UBE3B: variants seen among roughly 807,000 people sequenced by gnomAD.
UBE3B encodes the protein ubiquitin protein ligase E3B.
Under a neutral mutation model 132.3 loss-of-function variants are expected in UBE3B, and 80 were observed. The ratio of observed to expected loss-of-function variants is 0.60; its 90% CI spans 0.50 to 0.73. The LOEUF is 0.73. Ranked by LOEUF, UBE3B falls within the 30% of genes least tolerant of loss-of-function variation. The pLI is 0.00. For missense variants in UBE3B, 1,196 were observed against 1,362.5 expected (o/e 0.88, Z 1.92); for synonymous variants, 487 against 520.4 (o/e 0.94, Z 0.87).
chr12:109,533,781 C>T, intron 27 of UBE3B: 1 of 872,350 alleles, frequency 1.1e-6, no homozygotes, highest in Non-Finnish European at 1.8e-6. Context: ...GCCCCTTTCT[C>T]TTTCCTTCCT....
At position 109,490,016 on chromosome 12, in the gene UBE3B, C is replaced by A; in HGVS notation, c.630+12C>A. ...ATTCTGTGCTGCAGGTCTGTGACTC[C>A]TGCCCCCCAGTGTGCAACTTCTCCA... On this transcript the variant is annotated intron_variant, in intron 8 of 27. Transcript: ENST00000342494. 2 of 1,613,606 alleles carry A rather than the reference C, an allele frequency of 1.2e-6. No homozygotes were observed. The highest frequency in any genetic ancestry group is 1.1e-5 in the South Asian group (1 of 91,078).
Position 109,522,556 on chromosome 12 carries a change from T to C in UBE3B, c.2364+1005T>C, listed in dbSNP as rs1881839198. Among the ~76,000 whole-genome samples, 1 of 152,130 alleles carries C rather than the reference T, an allele frequency of 6.6e-6. No homozygotes were observed. Among genetic ancestry groups the C allele is most frequent in the African/African-American group, 2.4e-5 (1 of 41,412 alleles). ...AGGAAGCGAGCCACCTGGGCAGCAC[T>C]CCTCGCATACCCCAGGAACCTGGAG... On this transcript the variant is annotated intron_variant, in intron 21 of 27. Transcript: ENST00000342494. The surrounding 1 kb of genome is among the most constrained non-coding windows in gnomAD (Gnocchi z 4.2).
chr12:109,533,177 C>G (rs1249337739), intron 26 of UBE3B, among the ~76,000 whole-genome samples: 1 of 152,202 alleles, frequency 6.6e-6, no homozygotes, highest in Non-Finnish European at 1.5e-5. Flanking sequence ...CCTGGCTGGG[C>G]ATTTGTGCTG....
downstream of UBE3B, among the ~76,000 whole-genome samples, chr12:109,537,494 A>G (rs2136169193): frequency 6.6e-6 from 1 of 152,324 alleles, no homozygotes; most frequent in East Asian, 1.9e-4. Flanking sequence ...CAGTCAGGAA[A>G]GAACCCTGGA....
chr12:109,503,257 C>A, intron 14 of UBE3B, 67 bp downstream of exon 14: 2 of 1,563,616 alleles, frequency 1.3e-6, no homozygotes, highest in South Asian at 2.4e-5. Flanking sequence ...TAGCAAAAGT[C>A]GATGTTTTTT....
chr12:109,539,897 T>C (rs1280521679), downstream of UBE3B, among the ~76,000 whole-genome samples: 1 of 151,948 alleles, frequency 6.6e-6, no homozygotes, highest in Non-Finnish European at 1.5e-5. Flanking sequence ...AGTTCCATCA[T>C]GCTTTTCTTA....
intron 9 of UBE3B, among the ~76,000 whole-genome samples, chr12:109,496,297 T>A (rs185279378): frequency 1.3e-5 from 2 of 152,338 alleles, no homozygotes; most frequent in Admixed American, 1.3e-4. Flanking sequence ...ATACCACATT[T>A]GAGTTGTTTC....
chr12:109,517,837 G>T (rs1226857299), intron 19 of UBE3B: 3 of 364,254 alleles, frequency 8.2e-6, no homozygotes, highest in African/African-American at 4.2e-5. Flanking sequence ...GATGGCTTCT[G>T]GCAGCAGCTG....
At chr12:109,510,491 A>T (rs762293216) in intron 17 of UBE3B, 33 bp downstream of exon 17, 1 of 1,562,090 alleles carries the variant, frequency 6.4e-7, no homozygotes, top group Non-Finnish European at 8.7e-7. Context: ...GCTCCATGGA[A>T]GCCAGCCTGC....
At chr12:109,533,081 C>G (rs146949851) in intron 26 of UBE3B, among the ~76,000 whole-genome samples, 1 of 152,188 alleles carries the variant, frequency 6.6e-6, no homozygotes, top group Admixed American at 6.5e-5. Context: ...CTCACATGGT[C>G]TCTCTGTGGG....
chr12:109,484,592 A>G (rs1876069188), intron 4 of UBE3B, among the ~76,000 whole-genome samples: 1 of 151,922 alleles, frequency 6.6e-6, no homozygotes. Flanking sequence ...GGGTTTCACC[A>G]TGTTGGCCAG....
Position 109,529,128 on chromosome 12 carries a change from T to A in UBE3B, c.2628-762T>A, listed in dbSNP as rs369808425. 4.4e-4 allele frequency among the ~76,000 whole-genome samples: 67 copies of A among 152,274 alleles called. 3 individuals are homozygous for A. In the South Asian group the frequency reaches 0.014, roughly 31 times the overall value. Reference sequence around the variant, plus strand: ...GTGAGCTGAGATCGCACCACTGCACTCCAGCCTGGGTGACGGAGTGAGACT... The same window carrying A: ...GTGAGCTGAGATCGCACCACTGCACACCAGCCTGGGTGACGGAGTGAGACT... On this transcript the variant is annotated intron_variant, in intron 24 of 27. Coordinates refer to ENST00000342494, the MANE Select transcript of UBE3B (RefSeq NM_130466.4).
chr12:109,490,719 A>G (rs1877330907), intron 8 of UBE3B: 1 of 1,427,978 alleles, frequency 7.0e-7, no homozygotes, highest in African/African-American at 1.4e-5. Flanking sequence ...ATTTCTAACC[A>G]TAATATTTAG....
intron 18 of UBE3B, among the ~76,000 whole-genome samples, chr12:109,515,955 G>C (rs986623315): frequency 4.6e-5 from 7 of 152,088 alleles, no homozygotes; most frequent in South Asian, 2.1e-4. Context: ...CAGGTTGAAA[G>C]GTCAGGGAGC....
chr12:109,528,830 C>G (rs1433483881), intron 24 of UBE3B, among the ~76,000 whole-genome samples: 1 of 145,068 alleles, frequency 6.9e-6, no homozygotes, highest in Non-Finnish European at 1.5e-5. Flanking sequence ...GCATGGGCGA[C>G]AAGAATGAAA....
At position 109,483,545 on chromosome 12, in the gene UBE3B, T is replaced by C; in HGVS notation, c.-7T>C. The stretch of plus-strand genomic sequence containing the variant: ...TTTCCTTGCAGGGTTTGTGCAAGTT[T>C]GCAAACATGTTCACCCTGTCTCAGA... On this transcript the variant is annotated 5_prime_UTR_variant, in exon 3 of 28. Coordinates refer to ENST00000342494, the MANE Select transcript of UBE3B (RefSeq NM_130466.4). 6.4e-7 allele frequency: 1 copy of C among 1,555,054 alleles called. No homozygotes were observed. The highest frequency in any genetic ancestry group is 1.2e-5 in the South Asian group (1 of 81,330).
chr12:109,544,666 T>A, the UBE3B span, among the ~76,000 whole-genome samples: 1 of 152,090 alleles, frequency 6.6e-6, no homozygotes, highest in African/African-American at 2.4e-5. Context: ...TCGGGACTCT[T>A]GGGTGTCACT....
At chr12:109,484,021 G>C (rs769962517) in intron 4 of UBE3B, 40 bp downstream of exon 4, 1 of 1,565,198 alleles carries the variant, frequency 6.4e-7, no homozygotes, top group African/African-American at 1.4e-5. Context: ...ACTTCCATAT[G>C]TCAGATCTTT....
intron 24 of UBE3B, among the ~76,000 whole-genome samples, chr12:109,527,831 T>C (rs892296199): frequency 3.9e-5 from 6 of 152,202 alleles, no homozygotes; most frequent in Non-Finnish European, 8.8e-5. Context: ...TAAAATACCT[T>C]CCTGGGTGTC....
Sources: gnomAD v4.1 joint callset for allele counts (sites outside exome capture counted in the v4.1 genomes callset) on GRCh38, gnomAD v4.1.1 for gene constraint, Gnocchi (gnomAD v3.1) non-coding constraint, MANE v1.5 for transcripts, NCBI Gene and HGNC (gene_info 2026-07-23, HGNC 2026-07-21) for gene names.